GSE1: variants seen among roughly 807,000 people sequenced by gnomAD.
GSE1 encodes genetic suppressor element 1.
GSE1 carries 32 observed loss-of-function variants against 112.6 expected under a neutral mutation model. The ratio of observed to expected loss-of-function variants is 0.28; its 90% CI spans 0.21 to 0.38. The LOEUF is 0.38. Among genes scored for constraint, GSE1 ranks in the 10% least tolerant of loss-of-function variants. The pLI is 1.00. For synonymous variants in GSE1, 1,115 were observed against 735.6 expected, an observed-to-expected ratio of 1.52 and a Z score of -8.35; for missense variants, 2,348 against 1,699.2, an observed-to-expected ratio of 1.38 and a Z score of -6.71.
chr16:85,535,388 C>T (rs920353416), intron 2 of GSE1, among the ~76,000 whole-genome samples: 4 of 150,424 alleles, frequency 2.7e-5, no homozygotes, highest in African/African-American at 1.0e-4. Flanking sequence ...GATGGGAAAC[C>T]CTGGCCTCGG....
intron 2 of GSE1, among the ~76,000 whole-genome samples, chr16:85,496,289 C>T (rs1030876901): frequency 2.0e-5 from 3 of 152,346 alleles, no homozygotes; most frequent in Middle Eastern, 6.8e-3. Context: ...CCGCCCCTCG[C>T]GGGCCCGACC....
In GSE1 at chr16:85,666,467, A is replaced by C. The variant is rs2052869992; in HGVS notation, c.3130+120A>C. ...GCACAAGTTTTTATAAACTCCAATC[A>C]CCAGAAGAAAATAATTTCGTTATTA... On this transcript the variant is annotated intron_variant, in intron 13 of 15. Transcript: ENST00000253458. The C allele has an allele frequency of 3.4e-6, 3 of 875,718 alleles. No homozygotes were observed. The African/African-American group carries it at 5.1e-5, about 15-fold the overall frequency. The allele number at this position is 875,718 out of a possible 1,614,324, so 54.2% of individuals were successfully genotyped here.
intron 2 of GSE1, among the ~76,000 whole-genome samples, chr16:85,404,712 T>C (rs201211735): frequency 4.5e-3 from 129 of 28,366 alleles, no homozygotes; most frequent in Non-Finnish European, 5.1e-3. Context: ...TAATCCTCAC[T>C]GTTACACTCA....
intron 2 of GSE1, among the ~76,000 whole-genome samples, chr16:85,425,132 A>G (rs1335826899): frequency 6.6e-6 from 1 of 152,248 alleles, no homozygotes; most frequent in African/African-American, 2.4e-5. Context: ...TTGTCCCAGC[A>G]GCCACTTGCA....
At chr16:85,487,818 C>G (rs918683509) in intron 2 of GSE1, among the ~76,000 whole-genome samples, 1 of 152,242 alleles carries the variant, frequency 6.6e-6, no homozygotes, top group African/African-American at 2.4e-5. Context: ...TCTGTGTGAC[C>G]TTGCACGGTT....
At chr16:85,441,645 TCAAAACACAAAAA>T (rs2049378420) in intron 2 of GSE1, among the ~76,000 whole-genome samples, 1 of 151,180 alleles carries the variant, frequency 6.6e-6, no homozygotes, top group African/African-American at 2.5e-5. Flanking sequence ...AGACTCCGTC[TCAAAACACAAAAA>T]CAAAAAACAA....
chr16:85,616,878 C>A (rs2048404192), intron 1 of GSE1, among the ~76,000 whole-genome samples: 1 of 152,184 alleles, frequency 6.6e-6, no homozygotes, highest in Admixed American at 6.5e-5. Context: ...CAGCCGTGTG[C>A]TTGCTGCTGG....
At chr16:85,263,793 G>A (rs903025652) in intron 1 of GSE1, among the ~76,000 whole-genome samples, 1 of 152,162 alleles carries the variant, frequency 6.6e-6, no homozygotes, top group Non-Finnish European at 1.5e-5. Context: ...GGCTGGTCTG[G>A]AACTCCTGAG....
At chr16:85,537,753 G>C (rs2044379962) in intron 2 of GSE1, among the ~76,000 whole-genome samples, 1 of 152,182 alleles carries the variant, frequency 6.6e-6, no homozygotes, top group Non-Finnish European at 1.5e-5. Context: ...AAAGATGAAT[G>C]AAGGACAGAA....
upstream of GSE1, among the ~76,000 whole-genome samples, chr16:85,609,682 TCTCA>T (rs2047879292): frequency 6.6e-6 from 1 of 151,836 alleles, no homozygotes; most frequent in Non-Finnish European, 1.5e-5. Context: ...TGAAACAGGG[TCTCA>T]CTCTGTCGCC....
chr16:85,465,180 G>C (rs570674355), intron 2 of GSE1, among the ~76,000 whole-genome samples: 1 of 152,328 alleles, frequency 6.6e-6, no homozygotes, highest in South Asian at 2.1e-4. Flanking sequence ...CCTGGTTCCC[G>C]GCTGCATGCA....
At chr16:85,526,596 A>G (rs902902390) in intron 2 of GSE1, among the ~76,000 whole-genome samples, 1 of 148,280 alleles carries the variant, frequency 6.7e-6, no homozygotes, top group African/African-American at 2.4e-5. Context: ...GGTTACAGGC[A>G]GTGTGGGATG....
At chr16:85,304,010 G>A (rs188723166) in intron 1 of GSE1, among the ~76,000 whole-genome samples, 1 of 152,242 alleles carries the variant, frequency 6.6e-6, no homozygotes, top group Non-Finnish European at 1.5e-5. Flanking sequence ...GCAGGAGAAG[G>A]TTCCAGAAGC....
chr16:85,477,042 C>T (rs991498681), intron 2 of GSE1, among the ~76,000 whole-genome samples: 3 of 151,380 alleles, frequency 2.0e-5, no homozygotes, highest in Non-Finnish European at 4.4e-5. Context: ...GAACCTGCCT[C>T]AGCCTCCCTA....
chr16:85,364,083 CTG>C (rs2151584961), intron 2 of GSE1, among the ~76,000 whole-genome samples: 1 of 152,356 alleles, frequency 6.6e-6, no homozygotes, highest in South Asian at 2.1e-4. Flanking sequence ...GTTAGTCTCA[CTG>C]TGCAAAAATC....
chr16:85,346,146 A>G, intron 1 of GSE1, among the ~76,000 whole-genome samples: 1 of 107,724 alleles, frequency 9.3e-6, no homozygotes, highest in Non-Finnish European at 1.8e-5. Context: ...GGGTAGATGG[A>G]TGGATAGATG....
intron 1 of GSE1, among the ~76,000 whole-genome samples, chr16:85,180,093 C>T (rs1426581261): frequency 1.3e-5 from 2 of 152,244 alleles, no homozygotes; most frequent in Non-Finnish European, 2.9e-5. Context: ...TCTCAGGTTC[C>T]CTGCCTGGGG....
chr16:85,588,669 C>T (rs2046821768), intron 1 of GSE1, among the ~76,000 whole-genome samples: 1 of 152,174 alleles, frequency 6.6e-6, no homozygotes, highest in Admixed American at 6.5e-5. Flanking sequence ...TCTGTATTTC[C>T]CGACTTGGCG....
intron 1 of GSE1, among the ~76,000 whole-genome samples, chr16:85,205,968 G>T (rs1235752717): frequency 6.6e-6 from 1 of 152,244 alleles, no homozygotes; most frequent in Non-Finnish European, 1.5e-5. Context: ...GGAGCTTCCA[G>T]TCTGGTGGGA....
Sources: allele counts gnomAD v4.1 joint callset (sites outside exome capture counted in the v4.1 genomes callset), GRCh38; gene constraint gnomAD v4.1.1; transcripts MANE v1.5; gene names NCBI Gene and HGNC (gene_info 2026-07-23, HGNC 2026-07-21).